Variants in DDX60 observed in about 807,000 individuals in gnomAD.
DDX60 encodes the protein probable ATP-dependent RNA helicase DDX60.
In DDX60, 165 loss-of-function variants were observed where a neutral mutation model predicts 212.8. The ratio of observed to expected loss-of-function variants is 0.78; its 90% confidence interval spans 0.68 to 0.88. The LOEUF (loss-of-function observed/expected upper bound fraction) is 0.88. DDX60 is among the 40% of genes least tolerant of loss of function. DDX60 has a pLI of 0.00. For synonymous variants in DDX60, 703 were observed against 685.3 expected, an observed-to-expected ratio of 1.03 and a Z score of -0.40; for missense variants, 1,905 against 2,003.9, an observed-to-expected ratio of 0.95 and a Z score of 0.94.
intron 26 of DDX60, among the ~76,000 whole-genome samples, chr4:168,253,573 C>G (rs902142742): frequency 6.6e-6 from 1 of 152,170 alleles, no homozygotes; most frequent in Admixed American, 6.5e-5. Flanking sequence ...TAAAAATCAG[C>G]CCCCTTGACT....
chr4:168,249,498 T>C lies in DDX60; in HGVS notation c.3859-1206A>G, dbSNP rs182544471. The stretch of plus-strand genomic sequence containing the variant: ...AAGTTTTTTGATAAGAACAAAAATG[T>C]AGAAAATAATAATACATTTAGAAAA... On this transcript the variant is annotated intron_variant, in intron 28 of 37. Coordinates refer to ENST00000393743, the MANE Select transcript of DDX60 (RefSeq NM_017631.6). Among the ~76,000 whole-genome samples the C allele has an allele frequency of 1.3e-3, 202 of 152,270 alleles. 1 individual carries two copies. The highest frequency in any genetic ancestry group is 4.3e-3 in the African/African-American group (177 of 41,550).
At chr4:168,242,636 G>A (rs989641448) in intron 30 of DDX60, among the ~76,000 whole-genome samples, 1 of 152,160 alleles carries the variant, frequency 6.6e-6, no homozygotes, top group Non-Finnish European at 1.5e-5. Flanking sequence ...CCCAATGCCT[G>A]TACCCCCACT....
At chr4:168,265,075 A>G (rs1051120935) in intron 22 of DDX60, among the ~76,000 whole-genome samples, 6 of 152,152 alleles carry the variant, frequency 3.9e-5, no homozygotes, top group Non-Finnish European at 8.8e-5. Flanking sequence ...AGGAGTCAGC[A>G]GCTGTTCCTG....
chr4:168,262,153 A>G (rs749424830), intron 23 of DDX60, 25 bp from the exon 24 acceptor site: 2 of 1,565,078 alleles, frequency 1.3e-6, no homozygotes, highest in Non-Finnish European at 1.7e-6. Context: ...TTACAAAATT[A>G]GGCACAATCA....
At chr4:168,228,248 C>A (rs1037956264) in intron 33 of DDX60, among the ~76,000 whole-genome samples, 7 of 152,056 alleles carry the variant, frequency 4.6e-5, no homozygotes, top group East Asian at 3.9e-4. Flanking sequence ...TATATTTATG[C>A]AACCATCATG....
upstream of DDX60, among the ~76,000 whole-genome samples, chr4:168,323,711 G>C (rs1194275474): frequency 6.6e-6 from 1 of 152,214 alleles, no homozygotes; most frequent in African/African-American, 2.4e-5. Context: ...GTATCAGTAA[G>C]AAAGGAGATT....
intron 32 of DDX60, among the ~76,000 whole-genome samples, chr4:168,236,626 T>A (rs1578981315): frequency 6.6e-6 from 1 of 151,902 alleles, no homozygotes; most frequent in East Asian, 1.9e-4. Flanking sequence ...TAGATTTTCC[T>A]CCCTTTAGTC....
chr4:168,314,077 G>A (rs1450032313), intron 1 of DDX60, among the ~76,000 whole-genome samples: 1 of 152,118 alleles, frequency 6.6e-6, no homozygotes, highest in East Asian at 1.9e-4. Flanking sequence ...GACAGGGTAT[G>A]CAAGACAATG....
At chr4:168,248,506 CA>C (rs1321899100) in intron 28 of DDX60, among the ~76,000 whole-genome samples, 1 of 152,162 alleles carries the variant, frequency 6.6e-6, no homozygotes, top group Non-Finnish European at 1.5e-5. Flanking sequence ...TATTCTTCCC[CA>C]AATATTCGTT....
intron 14 of DDX60, among the ~76,000 whole-genome samples, chr4:168,278,838 A>C (rs1247152515): frequency 6.6e-6 from 1 of 152,142 alleles, no homozygotes; most frequent in Non-Finnish European, 1.5e-5. Flanking sequence ...AAAACAGAAC[A>C]AAACAAAAAA....
At chr4:168,283,939 A>G (rs976184793) in intron 12 of DDX60, among the ~76,000 whole-genome samples, 3 of 152,130 alleles carry the variant, frequency 2.0e-5, no homozygotes, top group Non-Finnish European at 2.9e-5. Flanking sequence ...ACAACCATCT[A>G]AGATATTCTG....
rs146908767 is a variant in DDX60 at position 168,237,765 on chromosome 4, A to C, written c.4195T>G (p.Ser1399Ala). The C allele has an allele frequency of 6.2e-7, 1 of 1,611,836 alleles. No homozygotes were observed. Among genetic ancestry groups the C allele is most frequent in the East Asian group, 2.2e-5 (1 of 44,704 alleles). The change falls in exon 31 of 38, where the codon TCC becomes GCC. Residue 1399 changes from serine to alanine, a missense_variant. Transcript: ENST00000393743. ...VLSVLKHSLL[S>A]FKQPRVMDML... ...TCCATGACTCTGGGTTGCTTGAAGG[A>C]CAGCAATGAATGCTTTAGCACTGAT...
chr4:168,221,568 C>G (rs1409785799), intron 36 of DDX60, among the ~76,000 whole-genome samples, 162 bp downstream of exon 36: 1 of 151,854 alleles, frequency 6.6e-6, no homozygotes, highest in Non-Finnish European at 1.5e-5. Flanking sequence ...TTGTTATTCT[C>G]TCTTGCCATT....
upstream of DDX60, among the ~76,000 whole-genome samples, chr4:168,323,624 A>C (rs1342832593): frequency 6.6e-6 from 1 of 152,214 alleles, no homozygotes; most frequent in Non-Finnish European, 1.5e-5. Context: ...CAAAGGGGAT[A>C]AGAAATGTCC....
At chr4:168,265,503 G>C (rs1406218134) in intron 22 of DDX60, 3 of 152,106 alleles carry the variant, frequency 2.0e-5, no homozygotes, top group Non-Finnish European at 4.4e-5. Context: ...TGCCACAAAA[G>C]TCTAGACATC....
At chr4:168,297,117 G>A (rs1736378893) in intron 6 of DDX60, among the ~76,000 whole-genome samples, 1 of 151,798 alleles carries the variant, frequency 6.6e-6, no homozygotes, top group African/African-American at 2.4e-5. Flanking sequence ...CACCATGATG[G>A]TGAGAATGGT....
Position 168,291,736 on chromosome 4 carries a change from G to C in DDX60, c.1041+12C>G, listed in dbSNP as rs1736112429. ...AACACAAAAATAGTAAACTAATAAA[G>C]AGTACATTTACCATTTGTAATAAAG... On this transcript the variant is annotated intron_variant, in intron 8 of 37. Coordinates refer to ENST00000393743, the MANE Select transcript of DDX60 (RefSeq NM_017631.6). 1.3e-6 allele frequency: 2 copies of C among 1,546,640 alleles called. No individual in the cohort carries two copies. The highest frequency in any genetic ancestry group is 8.7e-7 in the Non-Finnish European group (1 of 1,152,838).
intron 6 of DDX60, among the ~76,000 whole-genome samples, chr4:168,297,012 G>C (rs747512978): frequency 6.6e-6 from 1 of 151,352 alleles, no homozygotes; most frequent in Non-Finnish European, 1.5e-5. Flanking sequence ...CCAGGTTCAC[G>C]CGATTCTCCT....
chr4:168,246,901 G>T (rs57468643), intron 29 of DDX60, among the ~76,000 whole-genome samples: 1 of 152,142 alleles, frequency 6.6e-6, no homozygotes, highest in Admixed American at 6.6e-5. Flanking sequence ...ATCTATTGAA[G>T]AAACAAAGAA....
Sources: allele counts gnomAD v4.1 joint callset (sites outside exome capture counted in the v4.1 genomes callset), GRCh38; gene constraint gnomAD v4.1.1; transcripts MANE v1.5; gene names NCBI Gene and HGNC (gene_info 2026-07-23, HGNC 2026-07-21).